FRYL: variants seen among roughly 807,000 people sequenced by gnomAD.
The protein encoded by FRYL is protein furry homolog-like.
In FRYL, 150 loss-of-function variants were observed where a neutral mutation model predicts 351.2. That is an observed-to-expected ratio of 0.43 (90% CI 0.37 to 0.49). The LOEUF (loss-of-function observed/expected upper bound fraction) is 0.49. Ranked by LOEUF, FRYL falls within the 20% of genes least tolerant of loss-of-function variation. The pLI is 0.00. For missense variants in FRYL, 3,036 were observed against 3,619.3 expected (o/e 0.84, Z 4.13); for synonymous variants, 1,153 against 1,257.1 (o/e 0.92, Z 1.75).
rs1720008248 is a variant in FRYL, at chr4:48,502,820, T to C, written c.8481+8A>G. On this transcript the variant is annotated splice_region_variant and intron_variant, in intron 61 of 63. Coordinates refer to ENST00000358350, the MANE Select transcript of FRYL (RefSeq NM_015030.2). ...TGAGTAGTCTATAAATCAAGACAGG[T>C]CACTTACTGCTAGTATTTCCATTTG... is the stretch of plus-strand genomic sequence containing the variant. 6.2e-7 allele frequency: 1 copy of C among 1,609,300 alleles called. No homozygotes were observed. The highest frequency in any genetic ancestry group is 8.5e-7 in the Non-Finnish European group (1 of 1,176,532).
chr4:48,718,184 C>A (rs1348531405), intron 1 of FRYL, among the ~76,000 whole-genome samples: 1 of 151,474 alleles, frequency 6.6e-6, no homozygotes, highest in East Asian at 1.9e-4. Context: ...CAGTTTATGT[C>A]TGTTGTATTT....
intron 16 of FRYL, 30 bp from the exon 17 acceptor site, chr4:48,590,860 G>A: frequency 6.5e-7 from 1 of 1,542,190 alleles, no homozygotes; most frequent in Non-Finnish European, 8.8e-7. Flanking sequence ...AAAAGGAAGA[G>A]ATGAGTATCA....
At chr4:48,525,701 G>T (rs1725990059) in intron 53 of FRYL, among the ~76,000 whole-genome samples, 1 of 152,140 alleles carries the variant, frequency 6.6e-6, no homozygotes, top group Admixed American at 6.5e-5. Context: ...GAGAGCTGAT[G>T]AATGTGTATG....
At chr4:48,648,749 G>GT (rs1468627588) in intron 3 of FRYL, among the ~76,000 whole-genome samples, 2 of 152,296 alleles carry the variant, frequency 1.3e-5, no homozygotes, top group African/African-American at 4.8e-5. Flanking sequence ...ACAGTTAAAT[G>GT]TAAGAACCCT....
At chr4:48,674,372 A>C (rs1350118759) in intron 3 of FRYL, among the ~76,000 whole-genome samples, 1 of 152,200 alleles carries the variant, frequency 6.6e-6, no homozygotes, top group Non-Finnish European at 1.5e-5. Flanking sequence ...ACAAAAAAAC[A>C]GTCTAAGGAT....
rs562578863 is a variant in FRYL, at chr4:48,732,145, CACTT to C, written c.-383-21451_-383-21448del. ...TGAACAGACACTTCTCAAAAGATGA[CACTT>C]ACGCAGCCAACAGACATTTGAAAAA... On this transcript the variant is annotated intron_variant, in intron 1 of 63. Transcript: ENST00000358350. Among the ~76,000 whole-genome samples the C allele has an allele frequency of 7.2e-5, 11 of 152,322 alleles. No homozygotes were observed. The South Asian group carries it at 2.1e-3, about 29-fold the overall frequency.
At chr4:48,670,126 T>G (rs1245446194) in intron 3 of FRYL, among the ~76,000 whole-genome samples, 1 of 152,162 alleles carries the variant, frequency 6.6e-6, no homozygotes, top group African/African-American at 2.4e-5. Flanking sequence ...GTTTTTTTAA[T>G]GTACAATTAA....
chr4:48,542,194 A>T, intron 44 of FRYL, 73 bp from the exon 45 acceptor site: 1 of 994,562 alleles, frequency 1.0e-6, no homozygotes, highest in Non-Finnish European at 1.6e-6. Flanking sequence ...TCCTAATGGG[A>T]TTTTAAAATA....
chr4:48,575,323 G>T, intron 24 of FRYL, 82 bp from the exon 25 acceptor site: 1 of 1,429,604 alleles, frequency 7.0e-7, no homozygotes, highest in Non-Finnish European at 9.7e-7. Flanking sequence ...GTAGTCTTAT[G>T]TCAAGGATAA....
chr4:48,739,957 T>C (rs1261173543), intron 1 of FRYL, among the ~76,000 whole-genome samples: 1 of 152,174 alleles, frequency 6.6e-6, no homozygotes, highest in Admixed American at 6.5e-5. Flanking sequence ...CTGCACCACC[T>C]TGGGACACTT....
At chr4:48,716,848 A>G (rs1331638026) in intron 1 of FRYL, among the ~76,000 whole-genome samples, 2 of 151,412 alleles carry the variant, frequency 1.3e-5, no homozygotes, top group Non-Finnish European at 3.0e-5. Context: ...CACTATTCAC[A>G]ATAGCAAAGA....
intron 3 of FRYL, among the ~76,000 whole-genome samples, chr4:48,640,204 A>G (rs1259897836): frequency 1.3e-5 from 2 of 152,208 alleles, no homozygotes; most frequent in Admixed American, 1.3e-4. Context: ...AAACCTGCAC[A>G]TGGTTGCTTA....
chr4:48,755,373 C>CA (rs1425574928), intron 1 of FRYL, among the ~76,000 whole-genome samples: 5 of 152,094 alleles, frequency 3.3e-5, no homozygotes, highest in Admixed American at 1.3e-4. Flanking sequence ...CACATCATTA[C>CA]AAAAAATAGA....
chr4:48,748,669 G>A (rs145653773), intron 1 of FRYL, among the ~76,000 whole-genome samples: 36 of 152,332 alleles, frequency 2.4e-4, no homozygotes, highest in Middle Eastern at 3.4e-3. Context: ...CATCAACTGT[G>A]TGTCAGGCAC....
chr4:48,615,773 C>T (rs1749301315), intron 7 of FRYL, among the ~76,000 whole-genome samples: 1 of 152,084 alleles, frequency 6.6e-6, no homozygotes, highest in Non-Finnish European at 1.5e-5. Flanking sequence ...AAAATACTGG[C>T]CATTTCCACT....
At chr4:48,561,928 G>A (rs1337876736) in intron 32 of FRYL, among the ~76,000 whole-genome samples, 3 of 152,088 alleles carry the variant, frequency 2.0e-5, no homozygotes, top group African/African-American at 7.2e-5. Context: ...AGGGTGGAGG[G>A]TCACTTGAGC....
At chr4:48,524,395 T>C (rs1725545666) in intron 53 of FRYL, among the ~76,000 whole-genome samples, 1 of 152,132 alleles carries the variant, frequency 6.6e-6, no homozygotes, top group South Asian at 2.1e-4. Flanking sequence ...TCCTGGAACA[T>C]ATCATTTCAA....
At chr4:48,574,703 ACAT>A (rs1232021224) in intron 25 of FRYL, among the ~76,000 whole-genome samples, 1 of 152,206 alleles carries the variant, frequency 6.6e-6, no homozygotes, top group Middle Eastern at 3.2e-3. Context: ...ATGATATCAA[ACAT>A]CTATGTAAAT....
At position 48,557,830 on chromosome 4, in the gene FRYL, A is replaced by G. The variant is rs987357975; in HGVS notation, c.3866-118T>C. The G allele has an allele frequency of 3.6e-6, 4 of 1,109,578 alleles. No individual in the cohort carries two copies. In the African/African-American group the frequency reaches 4.7e-5, roughly 13 times the overall value. 68.7% of individuals were successfully genotyped at this position (1,109,578 alleles called of 1,614,324 possible). A position where few individuals can be genotyped will look rare whatever the true frequency, so the allele number is the denominator to read the frequency against. ...TTCATTTTACTCATTACACTTAACA[A>G]TTATGAGTATTGTTTTTCCTTTTAG... On this transcript the variant is annotated intron_variant, in intron 33 of 63. Coordinates refer to ENST00000358350, the MANE Select transcript of FRYL (RefSeq NM_015030.2).
Sources: gnomAD v4.1 joint callset for allele counts (sites outside exome capture counted in the v4.1 genomes callset) on GRCh38, gnomAD v4.1.1 for gene constraint, MANE v1.5 for transcripts, NCBI Gene and HGNC (gene_info 2026-07-23, HGNC 2026-07-21) for gene names.